DCTN3: variants seen among roughly 807,000 people sequenced by gnomAD.
DCTN3 encodes the protein dynactin 3 (p22).
In DCTN3, 25 loss-of-function variants were observed where a neutral mutation model predicts 28.4. That is an observed-to-expected ratio of 0.88 (90% CI 0.64 to 1.23). The LOEUF (loss-of-function observed/expected upper bound fraction) is 1.23, where lower values mean the gene tolerates loss of function less well. DCTN3 is among the 50% of genes most tolerant of loss of function. DCTN3 has a pLI of 0.00. For synonymous variants in DCTN3, 81 were observed against 91.4 expected, an observed-to-expected ratio of 0.89 and a Z score of 0.65; for missense variants, 229 against 232.0, an observed-to-expected ratio of 0.99 and a Z score of 0.08.
Position 34,613,727 on chromosome 9 carries a change from G to A in DCTN3, c.*55C>T. The A allele has an allele frequency of 2.5e-6, 4 of 1,608,046 alleles. No individual in the cohort carries two copies. In the South Asian group the frequency reaches 3.3e-5, roughly 13 times the overall value. On this transcript the variant is annotated 3_prime_UTR_variant, in exon 7 of 7. Coordinates refer to ENST00000259632, the MANE Select transcript of DCTN3 (RefSeq NM_007234.5). ...TCTGCCTTGTAACAAAGGCAGGTTG[G>A]CATAGGGCCCTGGAGCCTGACTGCC... is the stretch of plus-strand genomic sequence containing the variant.
rs780419837 is a variant in DCTN3 at position 34,620,403 on chromosome 9, A to G, written c.62T>C (p.Val21Ala). 2 of 1,583,708 alleles carry G rather than the reference A, an allele frequency of 1.3e-6. No individual in the cohort carries two copies. Among genetic ancestry groups the G allele is most frequent in the Middle Eastern group, 1.7e-4 (1 of 6,048 alleles). ...QARVEELERW[V>A]YGPGGARGSR... Reference sequence around the variant, plus strand: ...GCCGCGCGCCCCGCCCGGCCCGTACACCCAGCGCTCCAGCTCTTCCACTCG... The same window carrying G: ...GCCGCGCGCCCCGCCCGGCCCGTACGCCCAGCGCTCCAGCTCTTCCACTCG... Residue 21 changes from valine (V) to alanine (A), a missense_variant, in exon 1 of 7, where the codon GTG (valine) becomes GCG (alanine). Val to Ala is a moderately conservative substitution (Grantham distance 64). Coordinates refer to ENST00000259632, the MANE Select transcript of DCTN3 (RefSeq NM_007234.5).
intron 4 of DCTN3, chr9:34,615,033 C>G (rs745463584): frequency 1.0e-5 from 5 of 491,396 alleles, no homozygotes; most frequent in Non-Finnish European, 1.5e-5. Flanking sequence ...CTACCCCCAC[C>G]CCAGTGCTAT....
intron 1 of DCTN3, among the ~76,000 whole-genome samples, chr9:34,619,760 CAGA>C (rs2132305451): frequency 6.6e-6 from 1 of 152,306 alleles, no homozygotes; most frequent in East Asian, 1.9e-4. Context: ...GACACGCCAT[CAGA>C]AGTTCTTCAA....
intron 4 of DCTN3, 109 bp downstream of exon 4, chr9:34,615,921 G>T: frequency 5.5e-6 from 4 of 729,126 alleles, no homozygotes; most frequent in Non-Finnish European, 8.6e-6. Flanking sequence ...AAAAAGATAA[G>T]GAACAGACCC....
chr9:34,618,043 C>A, intron 2 of DCTN3, 72 bp from the exon 3 acceptor site: 1 of 1,493,556 alleles, frequency 6.7e-7, no homozygotes, highest in Non-Finnish European at 9.1e-7. Context: ...GGATGTTTGA[C>A]AAGTGGTCAG....
intron 5 of DCTN3, 65 bp downstream of exon 5, chr9:34,614,645 G>T (rs766355757): frequency 5.1e-6 from 8 of 1,581,270 alleles, no homozygotes; most frequent in Non-Finnish European, 6.9e-6. Flanking sequence ...TCCCCAGGTG[G>T]CATGAGTTGG....
At chr9:34,618,873 T>C (rs1246875888) in intron 1 of DCTN3, 113 bp from the exon 2 acceptor site, 1 of 798,942 alleles carries the variant, frequency 1.3e-6, no homozygotes, top group East Asian at 2.6e-5. Flanking sequence ...GTAATCTAGG[T>C]TGGCCTCCCT....
intron 5 of DCTN3, 94 bp from the exon 6 acceptor site, chr9:34,614,195 G>A (rs200578089): frequency 6.2e-7 from 1 of 1,608,110 alleles, no homozygotes; most frequent in Admixed American, 1.7e-5. Flanking sequence ...ACTCCCCATG[G>A]AGCCTAAAAA....
In DCTN3 at chr9:34,616,086, G is replaced by A. The variant is rs1371997616; in HGVS notation, c.296C>T (p.Ala99Val). 6.2e-7 allele frequency: 1 copy of A among 1,614,032 alleles called. No individual in the cohort carries two copies. Among genetic ancestry groups the A allele is most frequent in the South Asian group, 1.1e-5 (1 of 91,066 alleles). The stretch of plus-strand genomic sequence containing the variant: ...CAAGGCATTCACCTGCTCCAGGAGT[G>A]CAACCTGGGAAAGGATAAACTGCTC... ...AEEQFILSQV[A>V]LLEQVNALVP... The change falls in exon 4 of 7, where the codon GCA becomes GTA. Residue 99 changes from alanine (A) to valine (V), a missense_variant. By Grantham distance (64) the Ala-to-Val change is moderately conservative. Transcript: ENST00000259632. The surrounding 1 kb of genome is among the most constrained non-coding windows in gnomAD (Gnocchi z 4.7).
Position 34,614,121 on chromosome 9 carries a change from C to A in DCTN3, c.412-20G>T. 1 of 1,614,116 alleles carries A rather than the reference C, an allele frequency of 6.2e-7. No homozygotes were observed. The highest frequency in any genetic ancestry group is 8.5e-7 in the Non-Finnish European group (1 of 1,179,988). Reference sequence around the variant, plus strand: ...CTGGTCCTGTAGGGCCAAAGTGTAGCACAGAAAGGAACTGGGCAAAGCCCA... The same window carrying A: ...CTGGTCCTGTAGGGCCAAAGTGTAGAACAGAAAGGAACTGGGCAAAGCCCA... On this transcript the variant is annotated intron_variant, in intron 5 of 6. Coordinates refer to ENST00000259632, the MANE Select transcript of DCTN3 (RefSeq NM_007234.5).
intron 3 of DCTN3, 90 bp downstream of exon 3, chr9:34,617,795 C>T: frequency 1.3e-6 from 2 of 1,573,854 alleles, no homozygotes; most frequent in Non-Finnish European, 1.7e-6. Context: ...TTGTATCCAC[C>T]AGAAGACTGG....
chr9:34,617,699 G>A lies in DCTN3; in HGVS notation c.268+186C>T, dbSNP rs917963035. The A allele has an allele frequency of 1.1e-5, 16 of 1,494,986 alleles. No individual in the cohort carries two copies. In the African/African-American group the frequency reaches 2.2e-4, roughly 21 times the overall value. The allele number at this position is 1,494,986 out of a possible 1,614,324, so 92.6% of individuals were successfully genotyped here. ...ACCATGGCCTGCAGCTGGTGCAGAG[G>A]TATACTGTACTCAATGTCTACTAGA... On this transcript the variant is annotated intron_variant, in intron 3 of 6. Transcript: ENST00000259632.
chr9:34,614,326 G>A, intron 5 of DCTN3: 1 of 911,236 alleles, frequency 1.1e-6, no homozygotes, highest in Non-Finnish European at 1.6e-6. Context: ...CATACATTAA[G>A]TAAACATTCC....
At chr9:34,614,148 A>G (rs767596161) in intron 5 of DCTN3, 47 bp from the exon 6 acceptor site, 2 of 1,613,958 alleles carry the variant, frequency 1.2e-6, no homozygotes, top group East Asian at 4.5e-5. Flanking sequence ...CAAAGCCCAC[A>G]TCTTCCACTA....
intron 2 of DCTN3, 115 bp downstream of exon 2, chr9:34,618,561 T>C (rs1682848623): frequency 7.6e-6 from 6 of 792,842 alleles, no homozygotes; most frequent in East Asian, 2.5e-5. Flanking sequence ...CCTCATAATC[T>C]TTCTATCCCC....
At chr9:34,614,253 A>G in intron 5 of DCTN3, 152 bp from the exon 6 acceptor site, 1 of 1,543,004 alleles carries the variant, frequency 6.5e-7, no homozygotes, top group Admixed American at 1.9e-5. Flanking sequence ...CTATGGGAGC[A>G]CTTTCAGGCT....
rs900592519 is a variant in DCTN3, at chr9:34,616,925, G to T, written c.269-812C>A. On this transcript the variant is annotated intron_variant, in intron 3 of 6. Transcript: ENST00000259632. The surrounding 1 kb of genome is among the most constrained non-coding windows in gnomAD (Gnocchi z 4.7). The stretch of plus-strand genomic sequence containing the variant: ...ACATGTTGGGAACATGTTTTTGTGA[G>T]GGTGAGACTGAACCACATGCAGGAA... 6.6e-6 allele frequency among the ~76,000 whole-genome samples: 1 copy of T among 152,162 alleles called. No individual in the cohort carries two copies. Among genetic ancestry groups the T allele is most frequent in the Admixed American group, 6.5e-5 (1 of 15,278 alleles).
At chr9:34,615,569 C>T (rs980433896) in intron 4 of DCTN3, 1 of 152,746 alleles carries the variant, frequency 6.5e-6, no homozygotes, top group East Asian at 1.9e-4. Flanking sequence ...GCTCTCTATC[C>T]TGGTAATTTT....
chr9:34,617,296 C>G (rs1239132416), intron 3 of DCTN3, among the ~76,000 whole-genome samples: 2 of 152,176 alleles, frequency 1.3e-5, no homozygotes, highest in African/African-American at 4.8e-5. Flanking sequence ...CCCATGAGGG[C>G]AGGGACTTTC....
Sources: gnomAD v4.1 joint callset for allele counts (sites outside exome capture counted in the v4.1 genomes callset) on GRCh38, gnomAD v4.1.1 for gene constraint, Gnocchi (gnomAD v3.1) non-coding constraint, MANE v1.5 for transcripts, NCBI Gene and HGNC (gene_info 2026-07-23, HGNC 2026-07-21) for gene names.